The following SPAG17 variants were observed in gnomAD, a reference collection of about 807,000 sequenced individuals.
SPAG17 encodes the protein sperm-associated antigen 17.
Under a neutral mutation model 273.6 loss-of-function variants are expected in SPAG17, and 169 were observed. The observed-to-expected ratio is 0.62, with a 90% confidence interval of 0.55 to 0.70. The LOEUF is 0.70. SPAG17 is among the 30% of genes least tolerant of loss of function. The pLI, the probability that SPAG17 is intolerant of heterozygous loss-of-function variation, is 0.00. For synonymous variants in SPAG17, 825 were observed against 873.2 expected, an observed-to-expected ratio of 0.94 and a Z score of 0.97; for missense variants, 2,557 against 2,627.8, an observed-to-expected ratio of 0.97 and a Z score of 0.59.
At chr1:117,984,907 T>C (rs956888087) in intron 40 of SPAG17, 125 bp from the exon 41 acceptor site, 5 of 628,080 alleles carry the variant, frequency 8.0e-6, no homozygotes, top group Non-Finnish European at 1.4e-5. Context: ...CTGACAAGAA[T>C]TAATTTATTA....
rs201509498 is a variant in SPAG17, at chr1:117,959,358, G to C, written c.*4441C>G. On this transcript the variant is annotated intron_variant, in intron 48 of 48. Coordinates refer to ENST00000336338, the MANE Select transcript of SPAG17 (RefSeq NM_206996.4). ...GAGGGAATGCGAGGCAAAAAGTGAA[G>C]TTATGTTTTTTGCTGATGCTACTAG... is the stretch of plus-strand genomic sequence containing the variant. 4.1e-5 allele frequency: 66 copies of C among 1,613,998 alleles called. No homozygotes were observed. Among genetic ancestry groups the C allele is most frequent in the Non-Finnish European group, 5.4e-5 (64 of 1,179,960 alleles).
At chr1:117,989,719 G>A (rs1347032407) in intron 38 of SPAG17, among the ~76,000 whole-genome samples, 1 of 151,956 alleles carries the variant, frequency 6.6e-6, no homozygotes, top group Non-Finnish European at 1.5e-5. Flanking sequence ...GGGACCACAG[G>A]CATGCACCAC....
At chr1:118,130,850 A>C (rs1658017439) in intron 3 of SPAG17, among the ~76,000 whole-genome samples, 1 of 152,212 alleles carries the variant, frequency 6.6e-6, no homozygotes, top group Non-Finnish European at 1.5e-5. Context: ...ACATTATTTC[A>C]TGGGGTTCAG....
intron 6 of SPAG17, among the ~76,000 whole-genome samples, chr1:118,098,084 T>C (rs1177460747): frequency 6.6e-6 from 1 of 152,212 alleles, no homozygotes; most frequent in African/African-American, 2.4e-5. Flanking sequence ...CTTCATTTTA[T>C]AGTTGAGGCC....
chr1:118,160,619 C>T (rs1048909586), intron 1 of SPAG17, among the ~76,000 whole-genome samples: 2 of 152,228 alleles, frequency 1.3e-5, no homozygotes, highest in Admixed American at 1.3e-4. Flanking sequence ...TTGAGTGGGG[C>T]ATATCCAGGG....
At chr1:118,103,139 C>A (rs1656177862) in intron 4 of SPAG17, among the ~76,000 whole-genome samples, 1 of 152,122 alleles carries the variant, frequency 6.6e-6, no homozygotes, top group Admixed American at 6.6e-5. Context: ...AAATTAACTC[C>A]TTTGAAGAGC....
intron 20 of SPAG17, among the ~76,000 whole-genome samples, chr1:118,044,796 G>A (rs1005764053): frequency 3.9e-5 from 6 of 152,024 alleles, no homozygotes; most frequent in Admixed American, 6.5e-5. Context: ...TCTTCCTCCC[G>A]CTCTAGTCAT....
At chr1:117,981,552 A>T in intron 42 of SPAG17, 151 bp from the exon 43 acceptor site, 1 of 778,982 alleles carries the variant, frequency 1.3e-6, no homozygotes, top group Non-Finnish European at 1.9e-6. Context: ...AAATATAAGA[A>T]AGCCATTAAG....
intron 32 of SPAG17, among the ~76,000 whole-genome samples, chr1:117,999,044 T>C (rs1657978098): frequency 6.6e-6 from 1 of 150,386 alleles, no homozygotes; most frequent in Admixed American, 6.6e-5. Flanking sequence ...AGTGTTCTCA[T>C]TGTTCAATTC....
At position 118,086,740 on chromosome 1, in the gene SPAG17, T is replaced by C. The variant is rs1292570984; in HGVS notation, c.1542A>G (p.Lys514=). The change falls in exon 12 of 49, where the codon AAA becomes AAG. Residue 514 remains lysine (K), a synonymous_variant. Transcript: ENST00000336338. ...GTAGGAGGGGGCCTTTGGGCACTGC[T>C]TTGCTTTCATTTTCTTCTTCAGATA... ...IFLSEEENES[K]AVPKGPLLLN... 1.2e-6 allele frequency: 2 copies of C among 1,614,230 alleles called. No individual in the cohort carries two copies. Among genetic ancestry groups the C allele is most frequent in the Non-Finnish European group, 1.7e-6 (2 of 1,180,034 alleles).
At chr1:118,054,891 G>T (rs1207960834) in intron 19 of SPAG17, among the ~76,000 whole-genome samples, 14 of 151,910 alleles carry the variant, frequency 9.2e-5, no homozygotes, top group Non-Finnish European at 4.4e-5. Flanking sequence ...AACTCCTTTG[G>T]TAATTGATAG....
intron 7 of SPAG17, 113 bp downstream of exon 7, chr1:118,097,557 T>C: frequency 1.4e-6 from 1 of 720,472 alleles, no homozygotes; most frequent in South Asian, 3.6e-5. Flanking sequence ...AGAGCCTAGC[T>C]CAATGCCTTG....
At chr1:118,168,489 G>T (rs978924489) in intron 1 of SPAG17, among the ~76,000 whole-genome samples, 3 of 152,140 alleles carry the variant, frequency 2.0e-5, no homozygotes, top group Admixed American at 6.5e-5. Context: ...AAAGAAAACA[G>T]GCCATGAGGC....
chr1:118,007,852 T>C (rs1386186206), intron 31 of SPAG17, among the ~76,000 whole-genome samples, 192 bp downstream of exon 31: 1 of 152,226 alleles, frequency 6.6e-6, no homozygotes, highest in Non-Finnish European at 1.5e-5. Flanking sequence ...GGACAATGTT[T>C]TTCTGGCATG....
intron 13 of SPAG17, among the ~76,000 whole-genome samples, chr1:118,084,557 C>A (rs1654840835): frequency 6.6e-6 from 1 of 152,164 alleles, no homozygotes; most frequent in African/African-American, 2.4e-5. Context: ...ATCTTAATGA[C>A]CCCTCTTCCC....
chr1:118,028,284 T>C lies in SPAG17; in HGVS notation c.3720A>G (p.Gln1240=), dbSNP rs747481141. 1.9e-6 allele frequency: 3 copies of C among 1,613,546 alleles called. No homozygotes were observed. Among genetic ancestry groups the C allele is most frequent in the Admixed American group, 3.3e-5 (2 of 59,964 alleles). The part of the protein sequence containing the change: ...PSGLLLTFIG[Q]ESTGQYVIDE... ...CCATATAGCACTTACCTGTAGATTCTTGTCCAATGAAAGTCAACAGGAGCC... is the reference window on the plus strand; with the variant it reads ...CCATATAGCACTTACCTGTAGATTCCTGTCCAATGAAAGTCAACAGGAGCC... Residue 1240 remains glutamine, a synonymous_variant, in exon 26 of 49, where the codon CAA becomes CAG. Coordinates refer to ENST00000336338, the MANE Select transcript of SPAG17 (RefSeq NM_206996.4).
intron 20 of SPAG17, among the ~76,000 whole-genome samples, chr1:118,053,675 A>G (rs1297789636): frequency 6.6e-6 from 1 of 152,126 alleles, no homozygotes; most frequent in Non-Finnish European, 1.5e-5. Flanking sequence ...ATGCATAAAA[A>G]TATATATGTA....
chr1:118,055,936 G>A (rs766428067), intron 18 of SPAG17, 22 bp from the exon 19 acceptor site: 24 of 1,572,954 alleles, frequency 1.5e-5, no homozygotes, highest in Admixed American at 5.5e-5. Flanking sequence ...AATAGCAGAC[G>A]TCAATTGAGT....
intron 25 of SPAG17, among the ~76,000 whole-genome samples, chr1:118,030,389 G>A (rs942259879): frequency 4.6e-5 from 7 of 151,276 alleles, no homozygotes; most frequent in African/African-American, 1.5e-4. Flanking sequence ...CCTTGTTGCC[G>A]GTCTTTTAGA....
Sources: allele counts gnomAD v4.1 joint callset (sites outside exome capture counted in the v4.1 genomes callset), GRCh38; gene constraint gnomAD v4.1.1; transcripts MANE v1.5; gene names NCBI Gene and HGNC (gene_info 2026-07-23, HGNC 2026-07-21).